The following TTC29 variants were observed in gnomAD, a reference collection of about 807,000 sequenced individuals.
The protein encoded by TTC29 is tetratricopeptide repeat protein 29.
Under a neutral mutation model 58.1 loss-of-function variants are expected in TTC29, and 49 were observed. That is an observed-to-expected ratio of 0.84 (90% CI 0.67 to 1.07). TTC29 has a LOEUF of 1.07. Ranked by LOEUF, TTC29 falls within the 50% of genes least tolerant of loss-of-function variation. The probability of loss-of-function intolerance (pLI) is 0.00; values close to 1 mark genes in which losing one functional copy is unlikely to be tolerated. For synonymous variants in TTC29, 209 were observed against 196.8 expected, an observed-to-expected ratio of 1.06 and a Z score of -0.52; for missense variants, 582 against 555.6, an observed-to-expected ratio of 1.05 and a Z score of -0.48.
chr4:146,853,156 AT>A (rs1256430034), intron 8 of TTC29, among the ~76,000 whole-genome samples: 1 of 152,036 alleles, frequency 6.6e-6, no homozygotes, highest in Non-Finnish European at 1.5e-5. Context: ...TTTTTCTTTT[AT>A]TTTTTATTAC....
intron 11 of TTC29, among the ~76,000 whole-genome samples, chr4:146,758,689 C>G (rs1746637375): frequency 6.6e-6 from 1 of 152,090 alleles, no homozygotes; most frequent in African/African-American, 2.4e-5. Flanking sequence ...CAAAAGGAGT[C>G]TTCAAAACCA....
rs910069865 is a variant in TTC29, at chr4:146,908,948, TG to T, written c.400+77del. ...TGTCTTAATGTTTCAAATTCATACA[TG>T]AAACAATCTGGAATCTTCCCCCAGG... On this transcript the variant is annotated intron_variant, in intron 5 of 12. Coordinates refer to ENST00000325106, the MANE Select transcript of TTC29 (RefSeq NM_031956.4). 12 of 1,247,732 alleles carry T rather than the reference TG, an allele frequency of 9.6e-6. No homozygotes were observed. In the African/African-American group the frequency reaches 1.8e-4, roughly 19 times the overall value. The allele number at this position is 1,247,732 out of a possible 1,614,324, so 77.3% of individuals were successfully genotyped here.
chr4:146,829,095 A>G (rs1427333863), intron 9 of TTC29, among the ~76,000 whole-genome samples: 1 of 152,214 alleles, frequency 6.6e-6, no homozygotes, highest in African/African-American at 2.4e-5. Context: ...AGCATATTAT[A>G]TGGTATAATC....
chr4:146,727,822 T>C (rs1743905018), intron 11 of TTC29, among the ~76,000 whole-genome samples: 1 of 152,232 alleles, frequency 6.6e-6, no homozygotes, highest in Non-Finnish European at 1.5e-5. Context: ...CAGGTGTTTA[T>C]GTAGACATGT....
intron 10 of TTC29, among the ~76,000 whole-genome samples, chr4:146,811,871 G>C (rs146585000): frequency 6.6e-6 from 1 of 152,144 alleles, no homozygotes; most frequent in African/African-American, 2.4e-5. Context: ...TGCCCACACA[G>C]ACAGTTTAGG....
chr4:146,831,056 A>C (rs1728125332), intron 9 of TTC29, among the ~76,000 whole-genome samples: 1 of 152,204 alleles, frequency 6.6e-6, no homozygotes. Flanking sequence ...GTACTCCTCT[A>C]TAACCAACAA....
At position 146,862,652 on chromosome 4, in the gene TTC29, G is replaced by A. The variant is rs564031215; in HGVS notation, c.885+4846C>T. 1.9e-4 allele frequency among the ~76,000 whole-genome samples: 29 copies of A among 152,326 alleles called. 1 individual carries two copies. The South Asian group carries it at 5.4e-3, about 28-fold the overall frequency. ...ACAGTTCTGGGTGTGCTGTGTCCAA[G>A]AAGCCAACAATATTCTTCCACAAAT... On this transcript the variant is annotated intron_variant, in intron 8 of 12. Coordinates refer to ENST00000325106, the MANE Select transcript of TTC29 (RefSeq NM_031956.4).
chr4:146,787,673 T>C (rs1446273058), intron 11 of TTC29, among the ~76,000 whole-genome samples: 1 of 152,226 alleles, frequency 6.6e-6, no homozygotes, highest in Non-Finnish European at 1.5e-5. Flanking sequence ...CCTGCAATCT[T>C]AAACTTGCAG....
intron 11 of TTC29, among the ~76,000 whole-genome samples, chr4:146,802,849 C>T (rs1272772233): frequency 6.6e-6 from 1 of 152,098 alleles, no homozygotes; most frequent in Non-Finnish European, 1.5e-5. Flanking sequence ...AAGTTCTTAA[C>T]TGGGAACTAG....
intron 5 of TTC29, among the ~76,000 whole-genome samples, chr4:146,907,668 T>A (rs1371547964): frequency 6.6e-6 from 1 of 152,156 alleles, no homozygotes; most frequent in Non-Finnish European, 1.5e-5. Flanking sequence ...CGGCTAATTT[T>A]TTTGTATTTT....
intron 11 of TTC29, among the ~76,000 whole-genome samples, chr4:146,734,895 C>T (rs1001479017): frequency 6.6e-6 from 1 of 151,812 alleles, no homozygotes; most frequent in Non-Finnish European, 1.5e-5. Context: ...TCCTCGGTGG[C>T]CACGTGGTCA....
chr4:146,730,958 T>C (rs1028941089), intron 11 of TTC29, among the ~76,000 whole-genome samples: 1 of 152,160 alleles, frequency 6.6e-6, no homozygotes, highest in Non-Finnish European at 1.5e-5. Flanking sequence ...GTGAAAACTA[T>C]TCTTTAAAGA....
At chr4:146,901,302 AC>A (rs1437567241) in intron 6 of TTC29, among the ~76,000 whole-genome samples, 1 of 152,112 alleles carries the variant, frequency 6.6e-6, no homozygotes, top group African/African-American at 2.4e-5. Flanking sequence ...ATTTATAATC[AC>A]CTAGAGTCTC....
chr4:146,863,037 G>A (rs371447390), intron 8 of TTC29, among the ~76,000 whole-genome samples: 2 of 151,660 alleles, frequency 1.3e-5, no homozygotes, highest in African/African-American at 4.8e-5. Flanking sequence ...CAGGAGAATG[G>A]TGTGAACCTG....
chr4:146,771,714 A>G (rs980151766), intron 11 of TTC29, among the ~76,000 whole-genome samples: 2 of 152,112 alleles, frequency 1.3e-5, no homozygotes, highest in African/African-American at 4.8e-5. Flanking sequence ...TAGTGCTATG[A>G]TGAACATATG....
chr4:146,933,293 C>A (rs961124572), intron 4 of TTC29, among the ~76,000 whole-genome samples: 1 of 152,154 alleles, frequency 6.6e-6, no homozygotes, highest in Non-Finnish European at 1.5e-5. Context: ...ATATCTGAAG[C>A]AGAAAATAAT....
intron 11 of TTC29, among the ~76,000 whole-genome samples, chr4:146,746,874 A>G (rs1745587501): frequency 6.6e-6 from 1 of 152,168 alleles, no homozygotes; most frequent in Non-Finnish European, 1.5e-5. Flanking sequence ...CACCCCCTAA[A>G]AAGAATAAAC....
intron 11 of TTC29, among the ~76,000 whole-genome samples, chr4:146,801,294 GT>G (rs1750199184): frequency 6.6e-6 from 1 of 152,158 alleles, no homozygotes; most frequent in African/African-American, 2.4e-5. Context: ...AAACAAACCT[GT>G]TTGATAATAT....
At chr4:146,939,944 T>C (rs759553435) in intron 2 of TTC29, 43 bp from the exon 3 acceptor site, 15 of 1,539,488 alleles carry the variant, frequency 9.7e-6, no homozygotes, top group Non-Finnish European at 1.3e-5. Flanking sequence ...AAGGAATAAA[T>C]CTTTCAAAGG....
Sources: allele counts gnomAD v4.1 joint callset (sites outside exome capture counted in the v4.1 genomes callset), GRCh38; gene constraint gnomAD v4.1.1; transcripts MANE v1.5; gene names NCBI Gene and HGNC (gene_info 2026-07-23, HGNC 2026-07-21).